The following NGEF variants were observed in gnomAD, a reference collection of about 807,000 sequenced individuals.
NGEF encodes ephexin-1.
NGEF carries 31 observed loss-of-function variants against 80.9 expected under a neutral mutation model. That is an observed-to-expected ratio of 0.38 (90% CI 0.29 to 0.52). The LOEUF (loss-of-function observed/expected upper bound fraction) is 0.52, where lower values mean the gene tolerates loss of function less well. NGEF is among the 20% of genes least tolerant of loss of function. The probability of loss-of-function intolerance (pLI) is 0.84; values close to 1 mark genes in which losing one functional copy is unlikely to be tolerated. For synonymous variants in NGEF, 371 were observed against 370.2 expected (o/e 1.00, Z -0.03); for missense variants, 709 against 926.2 (o/e 0.77, Z 3.04).
intron 1 of NGEF, among the ~76,000 whole-genome samples, chr2:233,002,553 T>C (rs952597098): frequency 1.2e-4 from 18 of 152,108 alleles, no homozygotes; most frequent in African/African-American, 4.3e-4. Flanking sequence ...GGTGCACGCT[T>C]GTAGTCCCAG....
intron 1 of NGEF, among the ~76,000 whole-genome samples, chr2:233,011,592 A>C (rs1243719564): frequency 3.3e-5 from 5 of 151,468 alleles, no homozygotes; most frequent in African/African-American, 1.2e-4. Flanking sequence ...GCAATGAAAA[A>C]AAAAAAAAAA....
intron 1 of NGEF, among the ~76,000 whole-genome samples, chr2:232,979,299 G>A (rs76456984): frequency 0.012 from 1,747 of 151,654 alleles, 21 homozygotes; most frequent in Admixed American, 0.024. Context: ...CTGAAATGAG[G>A]AGGCTCTGAA....
In NGEF at chr2:232,995,928, C is replaced by G. The variant is rs186854437; in HGVS notation, c.-75+17140G>C. Reference sequence around the variant, plus strand: ...TGTATATATCACTTATCCAACACAGCATAAATCCAAAAGAGGACAAAAGAA... The same window carrying G: ...TGTATATATCACTTATCCAACACAGGATAAATCCAAAAGAGGACAAAAGAA... On this transcript the variant is annotated intron_variant, in intron 1 of 14. Transcript: ENST00000264051. Among the ~76,000 whole-genome samples, 385 of 151,152 alleles carry G rather than the reference C, an allele frequency of 2.5e-3. 3 individuals carry two copies. The highest frequency in any genetic ancestry group is 8.2e-3 in the African/African-American group (336 of 41,210).
chr2:232,939,224 C>T (rs1693391552), intron 3 of NGEF, among the ~76,000 whole-genome samples: 1 of 137,378 alleles, frequency 7.3e-6, no homozygotes, highest in African/African-American at 2.7e-5. Flanking sequence ...AAGGAATGAA[C>T]AGTCCCATTT....
chr2:232,909,444 T>C lies in NGEF; in HGVS notation c.828+10840A>G, dbSNP rs543867855. Reference sequence around the variant, plus strand: ...GCTTATGTTTTATGTAATTTTTTTTTACCTTAATTCACGGTGAGACAGATC... The same window carrying C: ...GCTTATGTTTTATGTAATTTTTTTTCACCTTAATTCACGGTGAGACAGATC... On this transcript the variant is annotated intron_variant, in intron 5 of 14. Coordinates refer to ENST00000264051, the MANE Select transcript of NGEF (RefSeq NM_019850.3). Among the ~76,000 whole-genome samples the C allele has an allele frequency of 2.7e-4, 40 of 148,998 alleles. No homozygotes were observed. The South Asian group carries it at 7.9e-3, about 29-fold the overall frequency.
intron 4 of NGEF, among the ~76,000 whole-genome samples, chr2:232,925,973 C>G (rs1332296564): frequency 6.6e-6 from 1 of 152,124 alleles, no homozygotes; most frequent in Non-Finnish European, 1.5e-5. Flanking sequence ...GCTCCACCCC[C>G]TCAGCTTCAC....
In NGEF at chr2:232,892,110, C is replaced by G. The variant is rs1691903355; in HGVS notation, c.1143-623G>C. On this transcript the variant is annotated intron_variant, in intron 7 of 14. Transcript: ENST00000264051. This position sits in a 1 kb window ranked among gnomAD's most constrained non-coding sequence, Gnocchi z 4.0. ...GTGCTGTGAATGATTCCTAATCTGC[C>G]ACATGCTTGCCTTCTCAATGTTTAT... Among the ~76,000 whole-genome samples, 1 of 152,196 alleles carries G rather than the reference C, an allele frequency of 6.6e-6. No homozygotes were observed. The highest frequency in any genetic ancestry group is 2.4e-5 in the African/African-American group (1 of 41,432).
chr2:232,898,826 G>A (rs1005917562), intron 5 of NGEF, among the ~76,000 whole-genome samples: 5 of 152,256 alleles, frequency 3.3e-5, no homozygotes, highest in Admixed American at 2.6e-4. Context: ...CTGTGAGGGC[G>A]AGTGGGAATG....
intron 1 of NGEF, among the ~76,000 whole-genome samples, chr2:233,001,780 CGA>C (rs1694984043): frequency 6.6e-6 from 1 of 151,652 alleles, no homozygotes; most frequent in African/African-American, 2.4e-5. Flanking sequence ...TTTGGGAGGC[CGA>C]GGCGGGTGGA....
chr2:232,903,460 A>ACC (rs1432684610), intron 5 of NGEF, among the ~76,000 whole-genome samples: 2 of 151,584 alleles, frequency 1.3e-5, no homozygotes, highest in African/African-American at 4.9e-5. Context: ...ACACACACAC[A>ACC]CCTGAATATG....
chr2:232,983,701 C>CCGGTCT (rs1694482596), intron 1 of NGEF, among the ~76,000 whole-genome samples: 1 of 152,142 alleles, frequency 6.6e-6, no homozygotes, highest in African/African-American at 2.4e-5. Context: ...CCACTGTGCC[C>CCGGTCT]CGGTCTCGGT....
chr2:232,957,741 G>A (rs1693859248), intron 3 of NGEF, among the ~76,000 whole-genome samples: 1 of 152,206 alleles, frequency 6.6e-6, no homozygotes, highest in African/African-American at 2.4e-5. Context: ...GTCACCTCTG[G>A]GTGTGGGCCT....
At chr2:232,954,833 CT>C (rs1428563901) in intron 3 of NGEF, among the ~76,000 whole-genome samples, 1 of 151,818 alleles carries the variant, frequency 6.6e-6, no homozygotes, top group Non-Finnish European at 1.5e-5. Flanking sequence ...TAAATGAGAA[CT>C]GAAGGATGAA....
intron 9 of NGEF, among the ~76,000 whole-genome samples, chr2:232,887,526 G>A (rs181976973): frequency 1.1e-4 from 16 of 152,150 alleles, no homozygotes; most frequent in Admixed American, 3.3e-4. Context: ...GGCTGGGTTC[G>A]GAGCAAAGGG....
chr2:233,010,226 T>C (rs1456637453), intron 1 of NGEF, among the ~76,000 whole-genome samples: 1 of 151,886 alleles, frequency 6.6e-6, no homozygotes. Context: ...GCCTCCCCTG[T>C]CTCTGCCTCC....
intron 3 of NGEF, among the ~76,000 whole-genome samples, chr2:232,959,710 G>C (rs1416551045): frequency 6.6e-6 from 1 of 151,934 alleles, no homozygotes; most frequent in Non-Finnish European, 1.5e-5. Flanking sequence ...CTCCCGAGTA[G>C]CTGGGATTAC....
At chr2:232,972,828 T>C (rs1456808706) in intron 2 of NGEF, among the ~76,000 whole-genome samples, 2 of 146,810 alleles carry the variant, frequency 1.4e-5, no homozygotes, top group Admixed American at 7.2e-5. Context: ...ATGGTTTTGG[T>C]TCACTGCAAC....
intron 1 of NGEF, among the ~76,000 whole-genome samples, chr2:232,985,990 A>G (rs1175687893): frequency 1.3e-5 from 2 of 152,138 alleles, no homozygotes; most frequent in African/African-American, 4.8e-5. Flanking sequence ...TGGCAGGACC[A>G]GCAGGCTCTT....
At chr2:232,977,565 T>C (rs1009066999) in intron 1 of NGEF, among the ~76,000 whole-genome samples, 1 of 152,140 alleles carries the variant, frequency 6.6e-6, no homozygotes, top group Non-Finnish European at 1.5e-5. Flanking sequence ...CCCAAACCCT[T>C]GCATTGAGGC....
Sources: allele counts gnomAD v4.1 joint callset (sites outside exome capture counted in the v4.1 genomes callset), GRCh38; gene constraint gnomAD v4.1.1; non-coding constraint Gnocchi (gnomAD v3.1); transcripts MANE v1.5; gene names NCBI Gene and HGNC (gene_info 2026-07-23, HGNC 2026-07-21).